The following FANCA variants were observed in gnomAD, a reference collection of about 807,000 sequenced individuals.
The protein encoded by FANCA is Fanconi anemia group A protein.
Under a neutral mutation model 194.3 loss-of-function variants are expected in FANCA, and 236 were observed. The observed-to-expected ratio is 1.21, with a 90% CI of 1.09 to 1.35. The LOEUF (loss-of-function observed/expected upper bound fraction) is 1.35, where lower values mean the gene tolerates loss of function less well. Among genes scored for constraint, FANCA ranks in the 40% most tolerant of loss-of-function variants. The probability of loss-of-function intolerance (pLI) is 0.00; values close to 1 mark genes in which losing one functional copy is unlikely to be tolerated. For missense variants in FANCA, 2,628 were observed against 1,813.9 expected (o/e 1.45, Z -8.15); for synonymous variants, 1,014 against 715.8 (o/e 1.42, Z -6.65).
chr16:89,745,219 T>C, intron 35 of FANCA, 148 bp from the exon 36 acceptor site: 1 of 749,030 alleles, frequency 1.3e-6, no homozygotes, highest in Non-Finnish European at 2.3e-6. Flanking sequence ...CAGTATTTTT[T>C]ACGTCAATTA....
At chr16:89,740,248 A>G (rs766025928) in intron 38 of FANCA, 149 bp from the exon 39 acceptor site, 3 of 742,664 alleles carry the variant, frequency 4.0e-6, no homozygotes, top group Non-Finnish European at 7.2e-6. Context: ...AGAAGGTAAT[A>G]CTGGGCCTCT....
chr16:89,796,772 C>A (rs113495028), intron 10 of FANCA, among the ~76,000 whole-genome samples: 4 of 152,326 alleles, frequency 2.6e-5, no homozygotes, highest in African/African-American at 9.6e-5. Context: ...CCTGTAATCC[C>A]AGCACTCTGG....
intron 27 of FANCA, among the ~76,000 whole-genome samples, chr16:89,766,660 G>A (rs964021448): frequency 2.6e-5 from 4 of 151,670 alleles, no homozygotes; most frequent in Admixed American, 6.6e-5. Context: ...GGTTGCAGTG[G>A]GCCGAGATCG....
intron 30 of FANCA, among the ~76,000 whole-genome samples, chr16:89,757,348 A>G (rs547001501): frequency 6.6e-6 from 1 of 152,304 alleles, no homozygotes; most frequent in East Asian, 1.9e-4. Context: ...AGGGTTAACA[A>G]GAAGTCACCC....
intron 27 of FANCA, among the ~76,000 whole-genome samples, chr16:89,766,367 T>C (rs1362644654): frequency 5.9e-5 from 9 of 152,128 alleles, no homozygotes; most frequent in Non-Finnish European, 1.0e-4. Context: ...TGCAGTGCCA[T>C]TTCACCTTTA....
rs781216924 is a variant in FANCA at position 89,811,072 on chromosome 16, C to T, written c.284-1G>A. 6.2e-7 allele frequency: 1 copy of T among 1,613,970 alleles called. No individual in the cohort carries two copies. The highest frequency in any genetic ancestry group is 8.5e-7 in the Non-Finnish European group (1 of 1,180,036). ...GAGGCTTGATCCTGCAAAGCAGAGC[C>T]TTAAACACAAAACAAAACCATAGCT... On this transcript the variant is annotated splice_acceptor_variant, in intron 3 of 42. Transcript: ENST00000389301. LOFTEE classifies it high-confidence loss of function.
intron 10 of FANCA, chr16:89,798,699 A>G: frequency 7.7e-7 from 1 of 1,298,116 alleles, no homozygotes; most frequent in South Asian, 1.6e-5. Context: ...AAAAGCTAAT[A>G]GGGCCAAGCT....
At chr16:89,786,112 G>A (rs564166268) in intron 14 of FANCA, among the ~76,000 whole-genome samples, 7 of 146,462 alleles carry the variant, frequency 4.8e-5, no homozygotes, top group East Asian at 2.1e-4. Context: ...TCTGCCTCCC[G>A]GGTTCAAGTG....
At position 89,795,917 on chromosome 16, in the gene FANCA, G is replaced by C. The variant is rs764209186; in HGVS notation, c.995C>G (p.Pro332Arg). 5 of 1,613,248 alleles carry C rather than the reference G, an allele frequency of 3.1e-6. No individual in the cohort carries two copies. In the African/African-American group the frequency reaches 4.0e-5, roughly 13 times the overall value. ...CACACTGGGCCTACCTTTCAGCACA[G>C]GGCTGTGAGTGAGTATCTGAGTCAG... ...HTLTQILTHS[P>R]VLKASDAVQM... Residue 332 changes from proline (P) to arginine (R), a missense_variant, in exon 11 of 43, where the codon CCT (proline) becomes CGT (arginine). Physicochemically the swap from Pro to Arg is moderately radical, Grantham distance 103. Transcript: ENST00000389301.
intron 14 of FANCA, among the ~76,000 whole-genome samples, chr16:89,789,306 T>TTG (rs1289416438): frequency 8.3e-6 from 1 of 119,894 alleles, no homozygotes; most frequent in African/African-American, 3.4e-5. Flanking sequence ...TCAGAAGGCC[T>TTG]GGGGGGGGAG....
chr16:89,738,355 C>G lies in FANCA; in HGVS notation c.*246G>C, dbSNP rs1301245072. On this transcript the variant is annotated 3_prime_UTR_variant, in exon 43 of 43. Transcript: ENST00000389301. ...GGAGGGTCGGAGGGTGCTGCCCGCC[C>G]TTGGTGCTGGAGGCGGGCTTGGTGT... is the stretch of plus-strand genomic sequence containing the variant. The G allele has an allele frequency of 1.4e-6, 2 of 1,470,940 alleles. No homozygotes were observed. Among genetic ancestry groups the G allele is most frequent in the Admixed American group, 2.1e-5 (1 of 47,020 alleles). 91.1% of individuals were successfully genotyped at this position (1,470,940 alleles called of 1,614,324 possible). A position where few individuals can be genotyped will look rare whatever the true frequency, so the allele number is the denominator to read the frequency against.
chr16:89,789,025 C>T (rs981029455), intron 14 of FANCA, among the ~76,000 whole-genome samples: 6 of 151,918 alleles, frequency 3.9e-5, no homozygotes, highest in South Asian at 2.1e-4. Context: ...ACCTGAGCCG[C>T]GGCTCGGGGA....
chr16:89,804,488 C>A (rs945647975), intron 7 of FANCA, among the ~76,000 whole-genome samples: 1 of 152,172 alleles, frequency 6.6e-6, no homozygotes, highest in Non-Finnish European at 1.5e-5. Context: ...ACAAACCCAA[C>A]TACTCCTCAA....
rs968872036 is a variant in FANCA at position 89,793,313 on chromosome 16, G to A, written c.1007-766C>T. ...AAGGAGCCCTCTGGTGGCCCTGTCC[G>A]GGCATAACAGAAGGCTCACACTCTT... On this transcript the variant is annotated intron_variant, in intron 11 of 42. Coordinates refer to ENST00000389301, the MANE Select transcript of FANCA (RefSeq NM_000135.4). Among the ~76,000 whole-genome samples, 11 of 152,240 alleles carry A rather than the reference G, an allele frequency of 7.2e-5. No individual in the cohort carries two copies. In the East Asian group the frequency reaches 7.7e-4, roughly 11 times the overall value.
intron 41 of FANCA, 33 bp from the exon 42 acceptor site, chr16:89,739,007 A>C: frequency 6.2e-7 from 1 of 1,614,106 alleles, no homozygotes; most frequent in South Asian, 1.1e-5. Context: ...CACAGGTTAG[A>C]AGACATACAG....
At chr16:89,792,777 G>A in intron 11 of FANCA, 1 of 469,034 alleles carries the variant, frequency 2.1e-6, no homozygotes, top group Non-Finnish European at 4.0e-6. Flanking sequence ...TGGTTGTGCT[G>A]TTATTTATTG....
rs2040070120 is a variant in FANCA, at chr16:89,791,347, C to A, written c.1359+56G>T. 4.4e-6 allele frequency: 7 copies of A among 1,599,256 alleles called. No individual in the cohort carries two copies. In the South Asian group the frequency reaches 4.5e-5, roughly 10 times the overall value. The stretch of plus-strand genomic sequence containing the variant: ...TCAGGTGGGGACAGCATGGTCCCCA[C>A]TCCCAGGCCTTCTGGGAAGATCAGG... On this transcript the variant is annotated intron_variant, in intron 14 of 42. Coordinates refer to ENST00000389301, the MANE Select transcript of FANCA (RefSeq NM_000135.4).
chr16:89,746,503 G>A (rs1452105844), intron 35 of FANCA, 81 bp downstream of exon 35: 15 of 1,092,878 alleles, frequency 1.4e-5, no homozygotes, highest in Admixed American at 5.2e-5. Context: ...TGATGGAGAC[G>A]TGCTGCAGAG....
At chr16:89,747,938 A>G (rs1303168601) in intron 33 of FANCA, among the ~76,000 whole-genome samples, 1 of 151,914 alleles carries the variant, frequency 6.6e-6, no homozygotes, top group Non-Finnish European at 1.5e-5. Flanking sequence ...TTGAGACAAG[A>G]GTTTCGCTCT....
Sources: allele counts gnomAD v4.1 joint callset (sites outside exome capture counted in the v4.1 genomes callset), GRCh38; gene constraint gnomAD v4.1.1; transcripts MANE v1.5; gene names NCBI Gene and HGNC (gene_info 2026-07-23, HGNC 2026-07-21).